CENATAC: variants seen among roughly 807,000 people sequenced by gnomAD.
The protein encoded by CENATAC is coiled-coil domain containing 84.
Under a neutral mutation model 53.7 loss-of-function variants are expected in CENATAC, and 53 were observed. The ratio of observed to expected loss-of-function variants is 0.99; its 90% confidence interval spans 0.79 to 1.24. The LOEUF is 1.24. CENATAC is among the 50% of genes most tolerant of loss of function. The pLI is 0.00. For synonymous variants in CENATAC, 156 were observed against 144.6 expected, an observed-to-expected ratio of 1.08 and a Z score of -0.57; for missense variants, 474 against 417.8, an observed-to-expected ratio of 1.13 and a Z score of -1.17.
intron 5 of CENATAC, 98 bp downstream of exon 5, chr11:119,011,381 T>A: frequency 1.4e-6 from 1 of 733,388 alleles, no homozygotes; most frequent in East Asian, 4.2e-5. Context: ...CTTCTTCTTC[T>A]TTTTTTTTTG....
rs28524980 is a variant in CENATAC at position 119,013,743 on chromosome 11, A to G, written c.715+481A>G. 9.1e-3 allele frequency among the ~76,000 whole-genome samples: 1,367 copies of G among 150,750 alleles called. 25 individuals are homozygous for G. Among genetic ancestry groups the G allele is most frequent in the African/African-American group, 0.031 (1,285 of 41,066 alleles). ...CTCCCAAAGTGCTGGGATTACAGGCATGAGCCACCGTGCCCGGACTTTTTT... is the reference window on the plus strand; with the variant it reads ...CTCCCAAAGTGCTGGGATTACAGGCGTGAGCCACCGTGCCCGGACTTTTTT... On this transcript the variant is annotated intron_variant, in intron 8 of 10. Transcript: ENST00000334418.
intron 3 of CENATAC, among the ~76,000 whole-genome samples, chr11:119,008,656 C>G (rs1057038550): frequency 6.6e-6 from 1 of 152,192 alleles, no homozygotes; most frequent in African/African-American, 2.4e-5. Context: ...TCCTCTTTTA[C>G]TAATCCACCT....
Position 118,998,244 on chromosome 11 carries a change from G to A in CENATAC, c.47G>A (p.Cys16Tyr). Residue 16 changes from cysteine to tyrosine, a missense_variant, in exon 1 of 11, where the codon TGT becomes TAT. Physicochemically the swap from Cys to Tyr is radical, Grantham distance 194. Coordinates refer to ENST00000334418, the MANE Select transcript of CENATAC (RefSeq NM_198489.3). ...CCTCTGTGCCGCCAGACCTTCTTCTGTGGTCGCGGGCACGTTTACAGCCGC... is the reference window on the plus strand; with the variant it reads ...CCTCTGTGCCGCCAGACCTTCTTCTATGGTCGCGGGCACGTTTACAGCCGC... ...RCPLCRQTFFCGRGHVYSRKH... is the reference protein window; with the variant it reads ...RCPLCRQTFFYGRGHVYSRKH... 1 of 1,587,424 alleles carries A rather than the reference G, an allele frequency of 6.3e-7. No individual in the cohort carries two copies. Among genetic ancestry groups the A allele is most frequent in the Non-Finnish European group, 8.6e-7 (1 of 1,166,980 alleles).
intron 3 of CENATAC, chr11:119,010,435 A>G: frequency 3.4e-6 from 1 of 293,744 alleles, no homozygotes; most frequent in Non-Finnish European, 6.4e-6. Context: ...CAAATATTTG[A>G]ACACTAAAAG....
chr11:119,013,556 C>T (rs1191742243), intron 8 of CENATAC, among the ~76,000 whole-genome samples: 32 of 151,096 alleles, frequency 2.1e-4, no homozygotes, highest in Non-Finnish European at 4.0e-4. Context: ...CTCCGCCTCC[C>T]GGGTTCACGC....
Position 119,015,704 on chromosome 11 carries a change from CTCAT to C in CENATAC, c.*112_*115del. The C allele has an allele frequency of 7.6e-7, 1 of 1,313,654 alleles. No homozygotes were observed. Among genetic ancestry groups the C allele is most frequent in the Non-Finnish European group, 1.1e-6 (1 of 923,698 alleles). 81.4% of individuals were successfully genotyped at this position (1,313,654 alleles called of 1,614,324 possible). On this transcript the variant is annotated 3_prime_UTR_variant, in exon 11 of 11. Transcript: ENST00000334418. ...TTGTCTTTCTTAGGAAACAGACATA[CTCAT>C]TCATTTGATTTAATAAAGTTTTATT...
At chr11:118,998,864 A>G (rs1942147318) in intron 2 of CENATAC, 147 bp from the exon 3 acceptor site, 3 of 706,344 alleles carry the variant, frequency 4.2e-6, no homozygotes, top group South Asian at 1.9e-5. Flanking sequence ...GAGACACGAG[A>G]TCTTGAAGAG....
At position 119,015,043 on chromosome 11, in the gene CENATAC, C is replaced by G; in HGVS notation, c.765C>G (p.Asn255Lys). ...AAGATGAAGAATACATTGCTGGGAA[C>G]CAAGAAATAGGACCATCCTATGAAG... ...MIQDEEYIAG[N>K]QEIGPSYEEF... Residue 255 changes from asparagine (N) to lysine (K), a missense_variant, in exon 9 of 11, where the codon AAC (asparagine) becomes AAG (lysine). Transcript: ENST00000334418. 1 of 1,610,376 alleles carries G rather than the reference C, an allele frequency of 6.2e-7. No homozygotes were observed. The highest frequency in any genetic ancestry group is 8.5e-7 in the Non-Finnish European group (1 of 1,178,876).
At position 119,015,038 on chromosome 11, in the gene CENATAC, G is replaced by A. The variant is rs782077969; in HGVS notation, c.760G>A (p.Gly254Arg). The A allele has an allele frequency of 8.1e-6, 13 of 1,611,478 alleles. No homozygotes were observed. Among genetic ancestry groups the A allele is most frequent in the African/African-American group, 1.3e-5 (1 of 74,352 alleles). Residue 254 changes from glycine to arginine, a missense_variant, in exon 9 of 11, where the codon GGG becomes AGG. Physicochemically the swap from Gly to Arg is moderately radical, Grantham distance 125. Coordinates refer to ENST00000334418, the MANE Select transcript of CENATAC (RefSeq NM_198489.3). The stretch of plus-strand genomic sequence containing the variant: ...GATCCAAGATGAAGAATACATTGCT[G>A]GGAACCAAGAAATAGGACCATCCTA... ...WMIQDEEYIAGNQEIGPSYEE... is the reference protein window; with the variant it reads ...WMIQDEEYIARNQEIGPSYEE...
intron 7 of CENATAC, 133 bp from the exon 8 acceptor site, chr11:119,013,099 G>T (rs1942950755): frequency 6.2e-6 from 4 of 648,994 alleles, no homozygotes; most frequent in Admixed American, 5.6e-5. Context: ...ATCAGCTGGG[G>T]TGCAGAATTA....
At chr11:119,006,483 G>A (rs193025685) in intron 3 of CENATAC, among the ~76,000 whole-genome samples, 2 of 152,242 alleles carry the variant, frequency 1.3e-5, no homozygotes, top group East Asian at 1.9e-4. Flanking sequence ...TGATCCGCCT[G>A]CCTCGGCCTC....
In CENATAC at chr11:119,011,107, C is replaced by T. The variant is rs573754180; in HGVS notation, c.451-114C>T. On this transcript the variant is annotated intron_variant, in intron 4 of 10. Coordinates refer to ENST00000334418, the MANE Select transcript of CENATAC (RefSeq NM_198489.3). The stretch of plus-strand genomic sequence containing the variant: ...TGTTGCAGCCTGCTTCCTGACAGGC[C>T]ACAGACCAGTACTGGTCCACGCCTG... 1.1e-3 allele frequency: 967 copies of T among 849,580 alleles called. 17 individuals are homozygous for T. In the South Asian group the frequency reaches 0.015, roughly 13 times the overall value. 52.6% of individuals were successfully genotyped at this position (849,580 alleles called of 1,614,324 possible). A position where few individuals can be genotyped will look rare whatever the true frequency, so the allele number is the denominator to read the frequency against.
At position 119,015,307 on chromosome 11, in the gene CENATAC, A is replaced by G; in HGVS notation, c.806A>G (p.Lys269Arg). The G allele has an allele frequency of 5.0e-6, 8 of 1,609,852 alleles. No individual in the cohort carries two copies. The highest frequency in any genetic ancestry group is 5.9e-6 in the Non-Finnish European group (7 of 1,178,658). The change falls in exon 10 of 11, where the codon AAG becomes AGG. Residue 269 changes from lysine (K) to arginine (R), a missense_variant and splice_region_variant. Physicochemically the swap from Lys to Arg is conservative, Grantham distance 26. Transcript: ENST00000334418. The stretch of plus-strand genomic sequence containing the variant: ...TAAAAGTTTCCCTATCATTGTACAG[A>G]GGAAAAACAGAAGTTGAAAAAACTC... ...GPSYEEFLKE[K>R]EKQKLKKLPP...
chr11:119,008,585 T>G (rs967234635), intron 3 of CENATAC, among the ~76,000 whole-genome samples: 5 of 152,106 alleles, frequency 3.3e-5, no homozygotes, highest in Admixed American at 6.6e-5. Context: ...AGCCGAGACA[T>G]TCAGTTCCCA....
Position 119,013,088 on chromosome 11 carries a change from C to T in CENATAC, c.685-144C>T, listed in dbSNP as rs939215814. On this transcript the variant is annotated intron_variant, in intron 7 of 10. Transcript: ENST00000334418. ...GACTTACTGTGCTTTCAAAGTTTAA[C>T]ATCAGCTGGGGTGCAGAATTAGCAT... The T allele has an allele frequency of 9.0e-5, 56 of 618,906 alleles. 1 individual carries two copies. The highest frequency in any genetic ancestry group is 1.4e-4 in the Non-Finnish European group (50 of 346,674). The allele number at this position is 618,906 out of a possible 1,614,324, so 38.3% of individuals were successfully genotyped here.
At chr11:119,010,697 C>T (rs1165076029) in intron 3 of CENATAC, 67 bp from the exon 4 acceptor site, 1 of 1,367,582 alleles carries the variant, frequency 7.3e-7, no homozygotes, top group East Asian at 2.3e-5. Flanking sequence ...AAAATATCTA[C>T]TGAGGAGCTT....
In CENATAC at chr11:119,002,245, A is replaced by G. The variant is rs796109692; in HGVS notation, c.383+3136A>G. Among the ~76,000 whole-genome samples, 1,232 of 150,284 alleles carry G rather than the reference A, an allele frequency of 8.2e-3. 8 individuals carry two copies. The highest frequency in any genetic ancestry group is 0.029 in the African/African-American group (1,158 of 40,276). ...GTCTCAAAAAAAAAAAAAAAAAAAAAAAAGAAACTGATCACATATCAGTTA... is the reference window on the plus strand; with the variant it reads ...GTCTCAAAAAAAAAAAAAAAAAAAAGAAAGAAACTGATCACATATCAGTTA... On this transcript the variant is annotated intron_variant, in intron 3 of 10. Transcript: ENST00000334418.
intron 3 of CENATAC, among the ~76,000 whole-genome samples, chr11:119,000,994 C>T (rs542716043): frequency 1.3e-5 from 2 of 152,242 alleles, no homozygotes; most frequent in East Asian, 1.9e-4. Context: ...ACATATCAAA[C>T]AATTCAGCTT....
At chr11:119,008,115 T>C (rs1942690105) in intron 3 of CENATAC, among the ~76,000 whole-genome samples, 1 of 152,138 alleles carries the variant, frequency 6.6e-6, no homozygotes, top group Non-Finnish European at 1.5e-5. Context: ...AGGGGTGGCC[T>C]GCCCCTCCAC....
Sources: allele counts gnomAD v4.1 joint callset (sites outside exome capture counted in the v4.1 genomes callset), GRCh38; gene constraint gnomAD v4.1.1; transcripts MANE v1.5; gene names NCBI Gene and HGNC (gene_info 2026-07-23, HGNC 2026-07-21).